FBXL17: variants seen among roughly 807,000 people sequenced by gnomAD.
The protein encoded by FBXL17 is F-box/LRR-repeat protein 17.
A neutral mutation model predicts 66.2 loss-of-function variants in FBXL17; 22 were observed. The observed-to-expected ratio is 0.33, with a 90% CI of 0.24 to 0.47. FBXL17 has a LOEUF of 0.47. Among genes scored for constraint, FBXL17 ranks in the 20% least tolerant of loss-of-function variants. FBXL17 has a pLI of 1.00. For synonymous variants in FBXL17, 474 were observed against 400.5 expected (o/e 1.18, Z -2.19); for missense variants, 878 against 948.2 (o/e 0.93, Z 0.97).
intron 6 of FBXL17, among the ~76,000 whole-genome samples, chr5:108,157,362 T>C (rs1752034822): frequency 6.6e-6 from 1 of 151,978 alleles, no homozygotes; most frequent in Non-Finnish European, 1.5e-5. Flanking sequence ...TGTCCTAAAA[T>C]TCTAAATCAC....
chr5:108,367,653 A>T (rs1252877891), intron 2 of FBXL17, among the ~76,000 whole-genome samples, 178 bp downstream of exon 2: 1 of 152,168 alleles, frequency 6.6e-6, no homozygotes, highest in African/African-American at 2.4e-5. Flanking sequence ...CTTGTTTACT[A>T]TGAGAATCTA....
chr5:108,107,672 C>T (rs1749856448), intron 6 of FBXL17, among the ~76,000 whole-genome samples: 1 of 151,726 alleles, frequency 6.6e-6, no homozygotes, highest in African/African-American at 2.4e-5. Flanking sequence ...ATTAGCCAGG[C>T]ATGGTGGCGG....
At chr5:108,314,965 T>C (rs1225624723) in intron 4 of FBXL17, among the ~76,000 whole-genome samples, 1 of 151,102 alleles carries the variant, frequency 6.6e-6, no homozygotes, top group Non-Finnish European at 1.5e-5. Flanking sequence ...TTTTTTTCCA[T>C]TTTTATTTAC....
At chr5:108,166,931 A>G (rs554945399) in intron 6 of FBXL17, among the ~76,000 whole-genome samples, 15 of 152,330 alleles carry the variant, frequency 9.8e-5, no homozygotes, top group African/African-American at 3.1e-4. Flanking sequence ...GTTAAAATAT[A>G]TATTTTTAAA....
Position 108,381,509 on chromosome 5 carries a change from G to A in FBXL17, c.183C>T (p.Leu61=), listed in dbSNP as rs1433094247. 5 of 1,405,064 alleles carry A rather than the reference G, an allele frequency of 3.6e-6. No individual in the cohort carries two copies. The highest frequency in any genetic ancestry group is 4.6e-6 in the Non-Finnish European group (5 of 1,089,852). The allele number at this position is 1,405,064 out of a possible 1,614,324, so 87.0% of individuals were successfully genotyped here. The change falls in exon 1 of 9, where the codon CTC becomes CTT. Residue 61 remains leucine, a synonymous_variant. Transcript: ENST00000542267. The part of the protein sequence containing the change: ...RDCFFRGPCM[L]CFIVHSPGAP... Reference sequence around the variant, plus strand: ...CGCCGGGACTGTGCACGATGAAGCAGAGCATGCAGGGCCCGCGGAAGAAGC... The same window carrying A: ...CGCCGGGACTGTGCACGATGAAGCAAAGCATGCAGGGCCCGCGGAAGAAGC...
At chr5:108,123,468 C>T (rs1750581570) in intron 6 of FBXL17, among the ~76,000 whole-genome samples, 1 of 152,116 alleles carries the variant, frequency 6.6e-6, no homozygotes, top group Non-Finnish European at 1.5e-5. Context: ...GAAATATATT[C>T]AGCTACTATG....
chr5:108,340,782 T>C (rs954022965), intron 4 of FBXL17, among the ~76,000 whole-genome samples: 27 of 152,320 alleles, frequency 1.8e-4, no homozygotes, highest in Non-Finnish European at 7.4e-5. Context: ...TAGTAACCCA[T>C]CTGTCCCTAA....
At chr5:108,086,877 A>G (rs571517138) in intron 6 of FBXL17, among the ~76,000 whole-genome samples, 8 of 152,118 alleles carry the variant, frequency 5.3e-5, no homozygotes, top group South Asian at 4.2e-4. Flanking sequence ...GACTCTTACA[A>G]TGTGTGAGGA....
intron 4 of FBXL17, among the ~76,000 whole-genome samples, chr5:108,263,955 C>T (rs914017103): frequency 6.6e-6 from 1 of 152,056 alleles, no homozygotes; most frequent in Non-Finnish European, 1.5e-5. Context: ...GTGGCTCACG[C>T]CTGTAATCCC....
In FBXL17 at chr5:108,263,874, G is replaced by A. The variant is rs558921822; in HGVS notation, c.1507-39646C>T. 2.0e-5 allele frequency among the ~76,000 whole-genome samples: 3 copies of A among 152,154 alleles called. No individual in the cohort carries two copies. In the South Asian group the frequency reaches 6.2e-4, roughly 32 times the overall value. ...CTTATTAGAACAAACTACCCAATATGATCAGCAAATTTCATTCTTAATGTG... is the reference window on the plus strand; with the variant it reads ...CTTATTAGAACAAACTACCCAATATAATCAGCAAATTTCATTCTTAATGTG... On this transcript the variant is annotated intron_variant, in intron 4 of 8. Transcript: ENST00000542267.
chr5:108,180,684 T>C (rs1455082001), intron 6 of FBXL17, among the ~76,000 whole-genome samples: 3 of 152,162 alleles, frequency 2.0e-5, no homozygotes, highest in Non-Finnish European at 4.4e-5. Context: ...TTCCCTTACA[T>C]AAATACAAGA....
At chr5:107,891,157 T>C (rs1749185116) in intron 7 of FBXL17, among the ~76,000 whole-genome samples, 1 of 152,020 alleles carries the variant, frequency 6.6e-6, no homozygotes, top group African/African-American at 2.4e-5. Flanking sequence ...GAGTAATCCA[T>C]AAAGATATCC....
intron 6 of FBXL17, among the ~76,000 whole-genome samples, chr5:108,141,937 G>C (rs1270788832): frequency 6.6e-6 from 1 of 152,142 alleles, no homozygotes; most frequent in Non-Finnish European, 1.5e-5. Context: ...CTTGCTCTCT[G>C]ATATACTTCC....
intron 6 of FBXL17, among the ~76,000 whole-genome samples, chr5:108,185,849 T>G (rs191007820): frequency 1.3e-5 from 2 of 152,186 alleles, no homozygotes; most frequent in Admixed American, 6.5e-5. Context: ...ATGTCTTAGA[T>G]GGATAACAAA....
At chr5:107,974,654 C>T (rs1466554513) in intron 7 of FBXL17, among the ~76,000 whole-genome samples, 1 of 152,002 alleles carries the variant, frequency 6.6e-6, no homozygotes, top group Admixed American at 6.6e-5. Flanking sequence ...GCCATATAGT[C>T]TCTTAGTTGA....
intron 7 of FBXL17, among the ~76,000 whole-genome samples, chr5:107,947,039 T>C (rs1751331589): frequency 6.6e-6 from 1 of 152,198 alleles, no homozygotes; most frequent in Non-Finnish European, 1.5e-5. Flanking sequence ...CTGATCTAGC[T>C]CCTCTATTGT....
intron 5 of FBXL17, among the ~76,000 whole-genome samples, chr5:108,187,864 T>C (rs1753302631): frequency 6.6e-6 from 1 of 152,146 alleles, no homozygotes; most frequent in Non-Finnish European, 1.5e-5. Flanking sequence ...TTGCTAAGCA[T>C]GTGAGAATTT....
intron 6 of FBXL17, among the ~76,000 whole-genome samples, chr5:108,025,778 A>G (rs1754797761): frequency 6.6e-6 from 1 of 151,536 alleles, no homozygotes; most frequent in African/African-American, 2.4e-5. Context: ...AAGGAGTAAA[A>G]ATTGTTTACG....
At chr5:108,104,540 T>A (rs967611007) in intron 6 of FBXL17, among the ~76,000 whole-genome samples, 1 of 152,240 alleles carries the variant, frequency 6.6e-6, no homozygotes, top group Non-Finnish European at 1.5e-5. Context: ...GCTCTGAGCA[T>A]TCCTGATGGA....
Sources: gnomAD v4.1 joint callset for allele counts (sites outside exome capture counted in the v4.1 genomes callset) on GRCh38, gnomAD v4.1.1 for gene constraint, MANE v1.5 for transcripts, NCBI Gene and HGNC (gene_info 2026-07-23, HGNC 2026-07-21) for gene names.